Variants in CLSTN2 observed in about 807,000 individuals in gnomAD.
CLSTN2 encodes the protein calsyntenin-2.
CLSTN2 carries 48 observed loss-of-function variants against 101.2 expected under a neutral mutation model. The observed-to-expected ratio is 0.47, with a 90% CI of 0.38 to 0.60. The LOEUF is 0.60. Ranked by LOEUF, CLSTN2 falls within the 20% of genes least tolerant of loss-of-function variation. The pLI is 0.00. For synonymous variants in CLSTN2, 481 were observed against 463.6 expected, an observed-to-expected ratio of 1.04 and a Z score of -0.48; for missense variants, 1,160 against 1,238.2, an observed-to-expected ratio of 0.94 and a Z score of 0.95.
At chr3:140,037,149 T>C (rs938720208) in intron 1 of CLSTN2, among the ~76,000 whole-genome samples, 3 of 152,106 alleles carry the variant, frequency 2.0e-5, no homozygotes, top group African/African-American at 7.2e-5. Flanking sequence ...ATTATTGTTT[T>C]CAAACTTGTA....
At chr3:139,947,873 TC>T (rs1935237810) in intron 1 of CLSTN2, among the ~76,000 whole-genome samples, 1 of 152,060 alleles carries the variant, frequency 6.6e-6, no homozygotes, top group Non-Finnish European at 1.5e-5. Flanking sequence ...TTTTAACAAC[TC>T]CTGCCTCCTT....
chr3:140,343,250 A>C (rs2087509222), intron 2 of CLSTN2, among the ~76,000 whole-genome samples: 1 of 152,128 alleles, frequency 6.6e-6, no homozygotes, highest in Non-Finnish European at 1.5e-5. Flanking sequence ...ACTACCCCCT[A>C]GCTCTGCTAG....
At chr3:140,488,877 C>T (rs1934288933) in intron 8 of CLSTN2, among the ~76,000 whole-genome samples, 1 of 151,896 alleles carries the variant, frequency 6.6e-6, no homozygotes, top group Admixed American at 6.6e-5. Context: ...ATCTGATTGG[C>T]TATGTGCAGG....
intron 10 of CLSTN2, among the ~76,000 whole-genome samples, chr3:140,553,703 G>A (rs375474098): frequency 2.6e-5 from 4 of 152,146 alleles, no homozygotes; most frequent in Admixed American, 1.3e-4. Context: ...AAAGAGGCTC[G>A]AGCATCTTTC....
intron 1 of CLSTN2, among the ~76,000 whole-genome samples, chr3:140,147,002 T>C (rs1328893400): frequency 6.6e-6 from 1 of 152,224 alleles, no homozygotes; most frequent in Non-Finnish European, 1.5e-5. Context: ...AGGAACATGT[T>C]GACTGTCAAT....
At chr3:140,337,485 C>T (rs567668163) in intron 2 of CLSTN2, among the ~76,000 whole-genome samples, 9 of 152,300 alleles carry the variant, frequency 5.9e-5, no homozygotes, top group African/African-American at 2.2e-4. Flanking sequence ...CCCCAATGAC[C>T]GTATTTCTAC....
At chr3:140,507,910 A>C (rs1197822040) in intron 8 of CLSTN2, 2 of 152,198 alleles carry the variant, frequency 1.3e-5, no homozygotes, top group Non-Finnish European at 2.9e-5. Flanking sequence ...TGAAGAAACT[A>C]CACTCAGCAA....
intron 2 of CLSTN2, among the ~76,000 whole-genome samples, chr3:140,191,026 C>A (rs1009360319): frequency 1.3e-5 from 2 of 152,066 alleles, no homozygotes; most frequent in African/African-American, 4.8e-5. Context: ...AGTCTTTCAC[C>A]AGTAAATATA....
chr3:139,944,747 C>A (rs1360534767), intron 1 of CLSTN2, among the ~76,000 whole-genome samples: 3 of 152,230 alleles, frequency 2.0e-5, no homozygotes, highest in Non-Finnish European at 4.4e-5. Flanking sequence ...GCCCATGTAC[C>A]TTCTCCCGTC....
intron 1 of CLSTN2, among the ~76,000 whole-genome samples, chr3:140,099,834 C>T (rs2008935427): frequency 6.6e-6 from 1 of 152,184 alleles, no homozygotes; most frequent in Non-Finnish European, 1.5e-5. Context: ...AAGTTGAATG[C>T]AGGAGTCAAA....
At chr3:140,113,675 A>G (rs1319387873) in intron 1 of CLSTN2, among the ~76,000 whole-genome samples, 2 of 152,230 alleles carry the variant, frequency 1.3e-5, no homozygotes, top group Non-Finnish European at 1.5e-5. Context: ...TTACCTTCAT[A>G]TTAACCCTCC....
rs1935930537 is a variant in CLSTN2, at chr3:140,562,222, G to A, written c.2126G>A (p.Arg709Lys). 1.2e-6 allele frequency: 2 copies of A among 1,613,964 alleles called. No individual in the cohort carries two copies. Among genetic ancestry groups the A allele is most frequent in the African/African-American group, 2.7e-5 (2 of 74,914 alleles). Residue 709 changes from arginine to lysine, a missense_variant, in exon 13 of 17, where the codon AGG (arginine) becomes AAG (lysine). Physicochemically the swap from Arg to Lys is conservative, Grantham distance 26. Coordinates refer to ENST00000458420, the MANE Select transcript of CLSTN2 (RefSeq NM_022131.3). Reference sequence around the variant, plus strand: ...GTGATCGGAGGGGACTTGGACCCAAGGCAGGAGTGCTTGGAGCTCAACCAC... The same window carrying A: ...GTGATCGGAGGGGACTTGGACCCAAAGCAGGAGTGCTTGGAGCTCAACCAC... ...ILVIGGDLDP[R>K]QECLELNHSE... is the part of the protein sequence containing the mutation.
intron 9 of CLSTN2, among the ~76,000 whole-genome samples, chr3:140,539,443 CAG>C (rs1258583600): frequency 1.3e-5 from 2 of 152,154 alleles, no homozygotes; most frequent in South Asian, 2.1e-4. Flanking sequence ...TGTCTGGAAA[CAG>C]AGTATCACTG....
intron 1 of CLSTN2, among the ~76,000 whole-genome samples, chr3:140,147,447 T>C (rs954506503): frequency 6.6e-6 from 1 of 152,224 alleles, no homozygotes; most frequent in Admixed American, 6.5e-5. Flanking sequence ...TCCCCTATGA[T>C]TGACCCACAC....
In CLSTN2 at chr3:140,574,028, G is replaced by T. The variant is rs1985655734; in HGVS notation, c.*7775G>T. The T allele has an allele frequency of 6.6e-6, 1 of 152,202 alleles. No individual in the cohort carries two copies. The highest frequency in any genetic ancestry group is 2.1e-4 in the South Asian group (1 of 4,830). The allele number at this position is 152,202 out of a possible 1,614,324, so 9.4% of individuals were successfully genotyped here. On this transcript the variant is annotated 3_prime_UTR_variant, in exon 17 of 17. Transcript: ENST00000458420. The stretch of plus-strand genomic sequence containing the variant: ...CTGCTGATATGGCCACCTCCTTAAG[G>T]TAAGAAGACTACCGACTTAGCTATT...
chr3:140,112,560 A>T (rs752805784), intron 1 of CLSTN2, among the ~76,000 whole-genome samples: 1 of 152,186 alleles, frequency 6.6e-6, no homozygotes, highest in Non-Finnish European at 1.5e-5. Flanking sequence ...GATCTCCTTC[A>T]TAAGTCAGTA....
Position 140,282,807 on chromosome 3 carries a change from G to A in CLSTN2, c.232+106734G>A, listed in dbSNP as rs547348209. The stretch of plus-strand genomic sequence containing the variant: ...AAAAATGACTCAGATTTCTCTCACT[G>A]TGCTGTTGTACAGTATGTGCATTAC... On this transcript the variant is annotated intron_variant, in intron 2 of 16. Transcript: ENST00000458420. Among the ~76,000 whole-genome samples, 3 of 152,290 alleles carry A rather than the reference G, an allele frequency of 2.0e-5. No homozygotes were observed. In the South Asian group the frequency reaches 6.2e-4, roughly 32 times the overall value.
At position 140,432,037 on chromosome 3, in the gene CLSTN2, A is replaced by G. The variant is rs149302647; in HGVS notation, c.787+10763A>G. On this transcript the variant is annotated intron_variant, in intron 5 of 16. Transcript: ENST00000458420. ...CACACACATGAGTACACACATTTAA[A>G]TCCATAGAATTGAGTAAGGCTGTGT... Among the ~76,000 whole-genome samples the G allele has an allele frequency of 1.8e-3, 277 of 152,312 alleles. 1 individual carries two copies. The highest frequency in any genetic ancestry group is 6.4e-3 in the African/African-American group (265 of 41,570).
chr3:140,141,541 T>C (rs1327340761), intron 1 of CLSTN2, among the ~76,000 whole-genome samples: 1 of 152,188 alleles, frequency 6.6e-6, no homozygotes, highest in Non-Finnish European at 1.5e-5. Context: ...ATGGCAATAA[T>C]AGCAAGCCAG....
Sources: allele counts gnomAD v4.1 joint callset (sites outside exome capture counted in the v4.1 genomes callset), GRCh38; gene constraint gnomAD v4.1.1; transcripts MANE v1.5; gene names NCBI Gene and HGNC (gene_info 2026-07-23, HGNC 2026-07-21).